Variants in DCDC1 observed in about 807,000 individuals in gnomAD.
DCDC1 encodes doublecortin domain-containing protein 1.
DCDC1 carries 200 observed loss-of-function variants against 178.3 expected under a neutral mutation model. The ratio of observed to expected loss-of-function variants is 1.12; its 90% CI spans 1.00 to 1.26. The LOEUF (loss-of-function observed/expected upper bound fraction) is 1.26. Among genes scored for constraint, DCDC1 ranks in the 50% most tolerant of loss-of-function variants. The probability of loss-of-function intolerance (pLI) is 0.00; values close to 1 mark genes in which losing one functional copy is unlikely to be tolerated. For synonymous variants in DCDC1, 690 were observed against 604.8 expected (o/e 1.14, Z -2.07); for missense variants, 1,983 against 1,749.2 (o/e 1.13, Z -2.38).
intron 20 of DCDC1, among the ~76,000 whole-genome samples, chr11:31,002,510 CAAT>C (rs1326385004): frequency 1.3e-5 from 2 of 152,104 alleles, no homozygotes; most frequent in Admixed American, 6.5e-5. Flanking sequence ...GGAAGACTAA[CAAT>C]GATGATTCTC....
rs375202203 is a variant in DCDC1 at position 31,102,300 on chromosome 11, C to T, written c.1878-18G>A. 2.7e-4 allele frequency: 176 copies of T among 653,846 alleles called. No homozygotes were observed. Among genetic ancestry groups the T allele is most frequent in the Middle Eastern group, 2.4e-3 (10 of 4,138 alleles). The allele number at this position is 653,846 out of a possible 1,614,324, so 40.5% of individuals were successfully genotyped here. On this transcript the variant is annotated intron_variant, in intron 14 of 38. Transcript: ENST00000684477. ...CTTCCCAACTAAGAAAAGTAAAATA[C>T]GTAATTATTTTTATTAGAATAATAT... is the stretch of plus-strand genomic sequence containing the variant.
chr11:31,250,421 C>CATATATATATATACATATAT lies in DCDC1; in HGVS notation c.1055-8806_1055-8805insATATATGTATATATATATAT. On this transcript the variant is annotated intron_variant, in intron 8 of 38. Coordinates refer to ENST00000684477, the MANE Select transcript of DCDC1 (RefSeq NM_001387274.1). ...ACACACACACACACACACACATATA[C>CATATATATATATACATATAT]ATATATATGTATATATATATATATC... Among the ~76,000 whole-genome samples the CATATATATATATACATATAT allele has an allele frequency of 3.8e-5, 2 of 52,868 alleles. 1 individual carries two copies. The highest frequency in any genetic ancestry group is 9.7e-5 in the Non-Finnish European group (2 of 20,716). The allele number at this position is 52,868 out of a possible 152,430, so 34.7% of individuals were successfully genotyped here.
intron 20 of DCDC1, among the ~76,000 whole-genome samples, chr11:30,965,309 G>A (rs1413209556): frequency 2.0e-5 from 3 of 152,124 alleles, no homozygotes; most frequent in African/African-American, 7.2e-5. Context: ...CCATTCTGGA[G>A]GCCCAGTCTC....
At chr11:31,278,660 T>C (rs1282557799) in intron 7 of DCDC1, among the ~76,000 whole-genome samples, 1 of 152,140 alleles carries the variant, frequency 6.6e-6, no homozygotes, top group Non-Finnish European at 1.5e-5. Flanking sequence ...AGAAAGCAGA[T>C]TTTATGTATT....
chr11:31,030,307 C>T (rs1953536477), intron 20 of DCDC1, among the ~76,000 whole-genome samples: 1 of 151,946 alleles, frequency 6.6e-6, no homozygotes, highest in African/African-American at 2.4e-5. Context: ...AAAAGAAGGG[C>T]ACCACACAGT....
At chr11:31,299,374 C>A (rs372017470) in intron 6 of DCDC1, among the ~76,000 whole-genome samples, 1 of 152,142 alleles carries the variant, frequency 6.6e-6, no homozygotes, top group Non-Finnish European at 1.5e-5. Context: ...AATGTTGTCA[C>A]CCTTTCCCTG....
At chr11:30,965,930 CTCA>C (rs1225134229) in intron 20 of DCDC1, among the ~76,000 whole-genome samples, 1 of 77,942 alleles carries the variant, frequency 1.3e-5, no homozygotes, top group African/African-American at 5.6e-5. Flanking sequence ...AGGACATGAA[CTCA>C]TCATTTTTTA....
chr11:31,350,047 T>C (rs559216071), intron 1 of DCDC1, among the ~76,000 whole-genome samples: 55 of 152,294 alleles, frequency 3.6e-4, no homozygotes, highest in African/African-American at 1.2e-3. Flanking sequence ...TCTTTAAGTC[T>C]AGAAGCTAAA....
intron 36 of DCDC1, among the ~76,000 whole-genome samples, chr11:30,888,222 G>A (rs1943478515): frequency 6.6e-6 from 1 of 152,142 alleles, no homozygotes; most frequent in South Asian, 2.1e-4. Context: ...AGATTGTTTA[G>A]AGGAGCAAAA....
chr11:30,995,135 A>G (rs1460416701), intron 20 of DCDC1, among the ~76,000 whole-genome samples: 2 of 152,148 alleles, frequency 1.3e-5, no homozygotes, highest in African/African-American at 4.8e-5. Context: ...ATTTGAAACT[A>G]AATCTCAAAA....
chr11:30,996,911 T>C (rs1214593402), intron 20 of DCDC1, among the ~76,000 whole-genome samples: 1 of 152,186 alleles, frequency 6.6e-6, no homozygotes, highest in Non-Finnish European at 1.5e-5. Context: ...GCAGCGTTCA[T>C]CATCACCAAA....
chr11:31,038,805 A>T (rs1954245855), intron 20 of DCDC1, among the ~76,000 whole-genome samples: 1 of 152,112 alleles, frequency 6.6e-6, no homozygotes, highest in African/African-American at 2.4e-5. Flanking sequence ...CCTGGGGAAC[A>T]ATTCTATTGT....
chr11:31,231,478 G>A (rs1975768312), intron 9 of DCDC1, among the ~76,000 whole-genome samples: 1 of 152,082 alleles, frequency 6.6e-6, no homozygotes, highest in African/African-American at 2.4e-5. Context: ...AAGGGTGAAT[G>A]GAAAATGGGA....
intron 22 of DCDC1, 100 bp downstream of exon 22, chr11:30,931,667 CTAAA>C: frequency 8.2e-7 from 1 of 1,221,338 alleles, no homozygotes; most frequent in South Asian, 1.9e-5. Flanking sequence ...AGCCCTTTTG[CTAAA>C]TAAATACAGA....
At chr11:31,187,076 C>T (rs573908246) in intron 9 of DCDC1, among the ~76,000 whole-genome samples, 1 of 152,274 alleles carries the variant, frequency 6.6e-6, no homozygotes, top group Admixed American at 6.5e-5. Flanking sequence ...TAACTCCAGC[C>T]TCACTGGCCC....
intron 1 of DCDC1, among the ~76,000 whole-genome samples, chr11:31,359,907 GT>G (rs1172583629): frequency 2.6e-5 from 4 of 152,140 alleles, no homozygotes; most frequent in African/African-American, 9.7e-5. Flanking sequence ...ACTGACTTGG[GT>G]TTGAATTTTT....
At chr11:31,203,215 G>T (rs2136451255) in intron 9 of DCDC1, among the ~76,000 whole-genome samples, 1 of 152,278 alleles carries the variant, frequency 6.6e-6, no homozygotes, top group African/African-American at 2.4e-5. Flanking sequence ...ATTATAGTAT[G>T]CTGTAAGAGA....
intron 10 of DCDC1, among the ~76,000 whole-genome samples, chr11:31,129,372 T>C (rs941278198): frequency 3.9e-5 from 6 of 152,158 alleles, no homozygotes; most frequent in Non-Finnish European, 7.4e-5. Context: ...GTCTACTCCA[T>C]TTAAATAATC....
At chr11:30,911,498 T>C in intron 27 of DCDC1, 78 bp from the exon 28 acceptor site, 1 of 1,086,092 alleles carries the variant, frequency 9.2e-7, no homozygotes, top group Non-Finnish European at 1.4e-6. Flanking sequence ...TAGCACTGTG[T>C]TGCCTCTCAG....
Sources: gnomAD v4.1 joint callset for allele counts (sites outside exome capture counted in the v4.1 genomes callset) on GRCh38, gnomAD v4.1.1 for gene constraint, MANE v1.5 for transcripts, NCBI Gene and HGNC (gene_info 2026-07-23, HGNC 2026-07-21) for gene names.